GPC3: variants seen among roughly 807,000 people sequenced by gnomAD.
The protein encoded by GPC3 is glypican-3.
In GPC3, 3 loss-of-function variants were observed where a neutral mutation model predicts 34.4. That is an observed-to-expected ratio of 0.09 (90% confidence interval 0.04 to 0.23). The LOEUF is 0.23. Among genes scored for constraint, GPC3 ranks in the 10% least tolerant of loss-of-function variants. The pLI is 1.00. For synonymous variants in GPC3, 177 were observed against 174.0 expected, an observed-to-expected ratio of 1.02 and a Z score of -0.13; for missense variants, 351 against 445.6, an observed-to-expected ratio of 0.79 and a Z score of 1.91.
At chrX:133,787,544 A>G (rs1187835015) in intron 2 of GPC3, among the ~76,000 whole-genome samples, 2 of 112,454 alleles carry the variant, frequency 1.8e-5, no homozygotes, top group Admixed American at 1.9e-4. Flanking sequence ...CAACAGAAAG[A>G]AGTTTTGAAT....
intron 3 of GPC3, among the ~76,000 whole-genome samples, chrX:133,746,908 G>C (rs1050612901): frequency 1.8e-5 from 2 of 111,973 alleles, no homozygotes; most frequent in Admixed American, 9.5e-5. Context: ...CAACAGTGGA[G>C]AGGAAGGTAA....
intron 2 of GPC3, among the ~76,000 whole-genome samples, chrX:133,755,330 A>G (rs906180643): frequency 9.0e-6 from 1 of 111,097 alleles, no homozygotes; most frequent in Non-Finnish European, 1.9e-5. Context: ...GAGAGACCAT[A>G]CTCCAACAGT....
intron 7 of GPC3, among the ~76,000 whole-genome samples, chrX:133,569,832 A>G (rs756038738): frequency 1.8e-5 from 2 of 111,480 alleles, no homozygotes; most frequent in Non-Finnish European, 3.8e-5. Flanking sequence ...TTATTTCTAG[A>G]TTATACAAAT....
intron 2 of GPC3, among the ~76,000 whole-genome samples, chrX:133,943,513 T>C (rs1204464039): frequency 8.9e-6 from 1 of 112,488 alleles, no homozygotes; most frequent in African/African-American, 3.2e-5. Flanking sequence ...TTGGGTTAAC[T>C]TGCCTACATT....
At chrX:133,899,075 A>G in intron 2 of GPC3, among the ~76,000 whole-genome samples, 1 of 112,344 alleles carries the variant, frequency 8.9e-6, no homozygotes, top group Non-Finnish European at 1.9e-5. Flanking sequence ...ATGATGCCTG[A>G]CCTTGTTAAG....
intron 5 of GPC3, among the ~76,000 whole-genome samples, chrX:133,674,183 T>C (rs951533280): frequency 3.6e-5 from 4 of 110,712 alleles, no homozygotes; most frequent in African/African-American, 1.3e-4. Flanking sequence ...GTTATGATGG[T>C]GTCACTGTAC....
chrX:133,760,988 T>C (rs2071783998), intron 2 of GPC3, among the ~76,000 whole-genome samples: 1 of 111,091 alleles, frequency 9.0e-6, no homozygotes, highest in Non-Finnish European at 1.9e-5. Context: ...TTTTAAAAAC[T>C]AGATCTTGGA....
At chrX:133,833,721 G>A (rs1283259895) in intron 2 of GPC3, among the ~76,000 whole-genome samples, 2 of 112,458 alleles carry the variant, frequency 1.8e-5, no homozygotes, top group Non-Finnish European at 3.8e-5. Context: ...CCTATTAAAA[G>A]GCTTTGTATG....
rs1210518353 is a variant in GPC3 at position 133,978,713 on chromosome X, C to T, written c.175+6562G>A. ...TATGTTTGTAATACATTTCTAACTC[C>T]GTTCATTCATTCAGTCTATAAATAC... On this transcript the variant is annotated intron_variant, in intron 1 of 7. Coordinates refer to ENST00000370818, the MANE Select transcript of GPC3 (RefSeq NM_004484.4). 8.0e-5 allele frequency among the ~76,000 whole-genome samples: 9 copies of T among 111,907 alleles called. No homozygotes were observed. In the South Asian group the frequency reaches 1.9e-3, roughly 23 times the overall value.
chrX:133,863,648 C>CTTTTTTTTTTTTT lies in GPC3; in HGVS notation c.337+89389_337+89401dup, dbSNP rs1165193952. Among the ~76,000 whole-genome samples the CTTTTTTTTTTTTT allele has an allele frequency of 2.8e-3, 201 of 72,867 alleles. 28 individuals are homozygous for CTTTTTTTTTTTTT. Among genetic ancestry groups the CTTTTTTTTTTTTT allele is most frequent in the African/African-American group, 0.014 (163 of 11,969 alleles). The allele number at this position is 72,867 out of a possible 115,157, so 63.3% of individuals were successfully genotyped here. On this transcript the variant is annotated intron_variant, in intron 2 of 7. Transcript: ENST00000370818. ...ACCCCTAGTTAACATAAAAATATTC[C>CTTTTTTTTTTTTT]TTTTTTTTTTTTTTTTTTGAGACGG...
At chrX:133,740,556 A>G (rs1352419025) in intron 3 of GPC3, among the ~76,000 whole-genome samples, 1 of 112,294 alleles carries the variant, frequency 8.9e-6, no homozygotes, top group Non-Finnish European at 1.9e-5. Flanking sequence ...GCAGGTTGCT[A>G]CAGTCAAGAA....
At chrX:133,764,872 C>T in intron 2 of GPC3, among the ~76,000 whole-genome samples, 1 of 111,371 alleles carries the variant, frequency 9.0e-6, no homozygotes, top group South Asian at 3.8e-4. Context: ...TCTCTGTCTC[C>T]CAGGATTTCA....
At chrX:133,663,747 C>G (rs938470016) in intron 5 of GPC3, among the ~76,000 whole-genome samples, 3 of 111,515 alleles carry the variant, frequency 2.7e-5, no homozygotes, top group African/African-American at 9.8e-5. Flanking sequence ...TTATGAAACA[C>G]TCCTTAGAAA....
chrX:133,568,390 A>C (rs1047792562), intron 7 of GPC3, among the ~76,000 whole-genome samples: 5 of 112,055 alleles, frequency 4.5e-5, no homozygotes, highest in Admixed American at 1.9e-4. Flanking sequence ...CTCTGTCCTC[A>C]AGGACAGCTA....
At chrX:133,701,786 C>T (rs1004235395) in intron 3 of GPC3, among the ~76,000 whole-genome samples, 1 of 111,574 alleles carries the variant, frequency 9.0e-6, no homozygotes, top group Admixed American at 9.6e-5. Context: ...ATGGCCCTGA[C>T]AGCATTTACT....
chrX:133,606,907 T>G (rs1159326086), intron 6 of GPC3, among the ~76,000 whole-genome samples: 2 of 111,660 alleles, frequency 1.8e-5, no homozygotes, highest in African/African-American at 6.5e-5. Context: ...AAAAACTATA[T>G]ATTTATAAAA....
At chrX:133,835,810 G>GA (rs1227612531) in intron 2 of GPC3, among the ~76,000 whole-genome samples, 2 of 111,899 alleles carry the variant, frequency 1.8e-5, no homozygotes, top group Non-Finnish European at 1.9e-5. Context: ...CTATTATCAG[G>GA]AAAAAAAATC....
chrX:133,647,896 C>T (rs2070559903), intron 6 of GPC3, among the ~76,000 whole-genome samples: 1 of 112,392 alleles, frequency 8.9e-6, no homozygotes, highest in Non-Finnish European at 1.9e-5. Flanking sequence ...ATAGTTAACA[C>T]ATTCATCAGG....
rs1040049067 is a variant in GPC3, at chrX:133,852,019, G to C, written c.338-97843C>G. ...AAAACCATCGCTCATTTATGATTTAGGTATTGATGTACCTAAGCAGAGGGA... is the reference window on the plus strand; with the variant it reads ...AAAACCATCGCTCATTTATGATTTACGTATTGATGTACCTAAGCAGAGGGA... On this transcript the variant is annotated intron_variant, in intron 2 of 7. Coordinates refer to ENST00000370818, the MANE Select transcript of GPC3 (RefSeq NM_004484.4). Among the ~76,000 whole-genome samples the C allele has an allele frequency of 2.3e-4, 26 of 111,864 alleles. 1 individual carries two copies. The highest frequency in any genetic ancestry group is 3.7e-4 in the South Asian group (1 of 2,670).
Sources: allele counts gnomAD v4.1 joint callset (sites outside exome capture counted in the v4.1 genomes callset), GRCh38; gene constraint gnomAD v4.1.1; transcripts MANE v1.5; gene names NCBI Gene and HGNC (gene_info 2026-07-23, HGNC 2026-07-21).